Variants in TMEM132C observed in about 807,000 individuals in gnomAD.
TMEM132C encodes the protein protein phosphatase 1, regulatory subunit 152.
Under a neutral mutation model 61.4 loss-of-function variants are expected in TMEM132C, and 29 were observed. That is an observed-to-expected ratio of 0.47 (90% CI 0.35 to 0.64). TMEM132C has a LOEUF of 0.64. Ranked by LOEUF, TMEM132C falls within the 30% of genes least tolerant of loss-of-function variation. TMEM132C has a pLI of 0.00. For missense variants in TMEM132C, 1,408 were observed against 1,476.9 expected, an observed-to-expected ratio of 0.95 and a Z score of 0.76; for synonymous variants, 656 against 633.1, an observed-to-expected ratio of 1.04 and a Z score of -0.54.
chr12:128,618,001 T>C (rs1402737200), intron 4 of TMEM132C, among the ~76,000 whole-genome samples: 1 of 152,252 alleles, frequency 6.6e-6, no homozygotes, highest in Non-Finnish European at 1.5e-5. Context: ...CATTTTTAAA[T>C]ATCTACATTT....
chr12:128,563,453 G>A (rs1284927244), intron 3 of TMEM132C, among the ~76,000 whole-genome samples: 3 of 152,076 alleles, frequency 2.0e-5, no homozygotes, highest in East Asian at 1.9e-4. Context: ...AGGGCTGCTC[G>A]GCAGAAAGAG....
chr12:128,389,557 C>G (rs1025553833), intron 1 of TMEM132C, among the ~76,000 whole-genome samples: 1 of 152,178 alleles, frequency 6.6e-6, no homozygotes. Flanking sequence ...TCACAGCCAC[C>G]CAGAACAGAG....
chr12:128,550,671 C>G (rs1251041769), intron 3 of TMEM132C, among the ~76,000 whole-genome samples: 1 of 152,168 alleles, frequency 6.6e-6, no homozygotes, highest in Admixed American at 6.5e-5. Flanking sequence ...TTTATTTAAC[C>G]TTAATTACCA....
chr12:128,490,379 C>T (rs1871675197), intron 2 of TMEM132C, among the ~76,000 whole-genome samples: 1 of 152,144 alleles, frequency 6.6e-6, no homozygotes, highest in Non-Finnish European at 1.5e-5. Flanking sequence ...ATCACCTGGC[C>T]ACCACGATGG....
intron 1 of TMEM132C, among the ~76,000 whole-genome samples, chr12:128,407,097 T>A (rs1875372068): frequency 6.6e-6 from 1 of 152,220 alleles, no homozygotes; most frequent in Admixed American, 6.5e-5. Context: ...GAATTGTATC[T>A]CCCGTAATCC....
intron 1 of TMEM132C, among the ~76,000 whole-genome samples, chr12:128,335,030 C>T (rs772218598): frequency 1.3e-5 from 2 of 152,064 alleles, no homozygotes; most frequent in Non-Finnish European, 2.9e-5. Context: ...TTTTTTTAAG[C>T]TGAGAGTCTT....
rs1293435738 is a variant in TMEM132C, at chr12:128,415,127, C to T, written c.481C>T (p.His161Tyr). ...FHIMGRDWDD[H>Y]GAGEKLPCLR... ...CATCATGGGCAGAGACTGGGATGAC[C>T]ACGGCGCCGGGGAGAAGCTGCCATG... The change falls in exon 2 of 9, where the codon CAC becomes TAC. Residue 161 changes from histidine (H) to tyrosine (Y), a missense_variant. Transcript: ENST00000435159. This position sits in a 1 kb window ranked among gnomAD's most constrained non-coding sequence, Gnocchi z 5.8. 7 of 1,609,680 alleles carry T rather than the reference C, an allele frequency of 4.3e-6. No homozygotes were observed. The Admixed American group carries it at 5.0e-5, about 12-fold the overall frequency.
intron 1 of TMEM132C, among the ~76,000 whole-genome samples, chr12:128,388,545 T>G (rs1874663087): frequency 6.6e-6 from 1 of 152,012 alleles, no homozygotes; most frequent in Non-Finnish European, 1.5e-5. Context: ...GCCTAGAGTT[T>G]GAGACTGCTT....
intron 1 of TMEM132C, among the ~76,000 whole-genome samples, chr12:128,374,225 A>C (rs907361614): frequency 2.0e-5 from 3 of 152,166 alleles, no homozygotes; most frequent in Non-Finnish European, 4.4e-5. Flanking sequence ...TATGCGAAAA[A>C]CAACGGGACT....
intron 2 of TMEM132C, among the ~76,000 whole-genome samples, chr12:128,478,933 TAAG>T (rs1565948379): frequency 6.6e-6 from 1 of 152,168 alleles, no homozygotes; most frequent in Non-Finnish European, 1.5e-5. Flanking sequence ...AATAAAAAGT[TAAG>T]AAGAGAGAGA....
chr12:128,340,004 A>G (rs1158187671), intron 1 of TMEM132C, among the ~76,000 whole-genome samples: 1 of 152,222 alleles, frequency 6.6e-6, no homozygotes, highest in Non-Finnish European at 1.5e-5. Context: ...AAAAAAGAAC[A>G]GTAACATTTG....
At chr12:128,443,101 TA>T (rs1173473493) in intron 2 of TMEM132C, among the ~76,000 whole-genome samples, 1 of 152,076 alleles carries the variant, frequency 6.6e-6, no homozygotes, top group Admixed American at 6.5e-5. Flanking sequence ...AAAATGGATA[TA>T]TATTGTATGT....
chr12:128,342,883 G>A (rs1031177060), intron 1 of TMEM132C, among the ~76,000 whole-genome samples: 7 of 152,210 alleles, frequency 4.6e-5, no homozygotes, highest in Admixed American at 4.6e-4. Context: ...CTGGCTGCCT[G>A]TGCGGTGCAT....
rs145966104 is a variant in TMEM132C at position 128,324,368 on chromosome 12, G to A, written c.85+56881G>A. Among the ~76,000 whole-genome samples, 511 of 152,298 alleles carry A rather than the reference G, an allele frequency of 3.4e-3. 4 individuals carry two copies. Among genetic ancestry groups the A allele is most frequent in the African/African-American group, 0.012 (500 of 41,562 alleles). On this transcript the variant is annotated intron_variant, in intron 1 of 8. Transcript: ENST00000435159. ...GGTTGATCAGCCATATCAACTGTCA[G>A]TAATTTTTTGTACTTTCTGCCAATT... is the stretch of plus-strand genomic sequence containing the variant.
chr12:128,561,361 A>C (rs1271399810), intron 3 of TMEM132C, among the ~76,000 whole-genome samples: 1 of 152,184 alleles, frequency 6.6e-6, no homozygotes, highest in Non-Finnish European at 1.5e-5. Flanking sequence ...AGAGACTTGC[A>C]GGGAGCAGGA....
chr12:128,605,195 G>A (rs969191675), intron 3 of TMEM132C, among the ~76,000 whole-genome samples: 3 of 152,084 alleles, frequency 2.0e-5, no homozygotes, highest in African/African-American at 7.2e-5. Context: ...ATAGAGGCTG[G>A]CAAGTCCCGA....
Position 128,292,657 on chromosome 12 carries a change from AGGTATT to A in TMEM132C, c.85+25171_85+25176del, listed in dbSNP as rs1428362074. ...ACCTAGGTACCTAAGTTCCTAGATG[AGGTATT>A]CATAAGTGTCTGTTAAGTGTACTTA... On this transcript the variant is annotated intron_variant, in intron 1 of 8. Coordinates refer to ENST00000435159, the MANE Select transcript of TMEM132C (RefSeq NM_001136103.3). 4.2e-3 allele frequency among the ~76,000 whole-genome samples: 365 copies of A among 86,850 alleles called. 6 individuals are homozygous for A. Among genetic ancestry groups the A allele is most frequent in the African/African-American group, 0.014 (345 of 25,378 alleles). 57.0% of individuals were successfully genotyped at this position (86,850 alleles called of 152,430 possible). A position where few individuals can be genotyped will look rare whatever the true frequency, so the allele number is the denominator to read the frequency against.
At chr12:128,585,767 G>A (rs531823942) in intron 3 of TMEM132C, among the ~76,000 whole-genome samples, 8 of 152,326 alleles carry the variant, frequency 5.3e-5, no homozygotes, top group African/African-American at 1.4e-4. Flanking sequence ...AGGACATTAT[G>A]CTCCATGAAA....
intron 5 of TMEM132C, among the ~76,000 whole-genome samples, chr12:128,677,974 G>A (rs1270014978): frequency 1.3e-5 from 2 of 152,190 alleles, no homozygotes; most frequent in African/African-American, 4.8e-5. Flanking sequence ...CCCTGAGCTT[G>A]GGCTCCCGTC....
Sources: gnomAD v4.1 joint callset for allele counts (sites outside exome capture counted in the v4.1 genomes callset) on GRCh38, gnomAD v4.1.1 for gene constraint, Gnocchi (gnomAD v3.1) non-coding constraint, MANE v1.5 for transcripts, NCBI Gene and HGNC (gene_info 2026-07-23, HGNC 2026-07-21) for gene names.